LSM14A: variants seen among roughly 807,000 people sequenced by gnomAD.
LSM14A encodes the protein protein LSM14 homolog A.
A neutral mutation model predicts 52.4 loss-of-function variants in LSM14A; 14 were observed. The observed-to-expected ratio is 0.27, with a 90% CI of 0.18 to 0.42. The LOEUF is 0.42. LSM14A is among the 10% of genes least tolerant of loss of function. The pLI, the probability that LSM14A is intolerant of heterozygous loss-of-function variation, is 1.00. For synonymous variants in LSM14A, 185 were observed against 200.3 expected (o/e 0.92, Z 0.64); for missense variants, 417 against 581.8 (o/e 0.72, Z 2.91).
intron 1 of LSM14A, among the ~76,000 whole-genome samples, chr19:34,175,522 G>A (rs1010613631): frequency 6.6e-6 from 1 of 152,128 alleles, no homozygotes; most frequent in Non-Finnish European, 1.5e-5. Flanking sequence ...ATGAGCCACC[G>A]CACCCGGCTG....
intron 1 of LSM14A, among the ~76,000 whole-genome samples, chr19:34,174,487 A>T (rs940921795): frequency 1.3e-5 from 2 of 152,226 alleles, no homozygotes; most frequent in African/African-American, 4.8e-5. Context: ...TCACCTTGTG[A>T]AACATTATGC....
intron 1 of LSM14A, among the ~76,000 whole-genome samples, chr19:34,192,287 A>T (rs1365070983): frequency 7.6e-6 from 1 of 130,866 alleles, no homozygotes; most frequent in African/African-American, 2.7e-5. Context: ...AGTGTAGGAC[A>T]TTATTTACAC....
Position 34,215,390 on chromosome 19 carries a change from A to G in LSM14A, c.715+90A>G, listed in dbSNP as rs1599713473. ...CATTAGAAGGATTTACTTCATGTGAATGATCCCAGAAAATTAAACTGAATA... is the reference window on the plus strand; with the variant it reads ...CATTAGAAGGATTTACTTCATGTGAGTGATCCCAGAAAATTAAACTGAATA... On this transcript the variant is annotated intron_variant, in intron 5 of 9. Coordinates refer to ENST00000544216, the MANE Select transcript of LSM14A (RefSeq NM_015578.4). The G allele has an allele frequency of 4.6e-6, 6 of 1,293,214 alleles. No homozygotes were observed. The South Asian group carries it at 6.0e-5, about 13-fold the overall frequency. The allele number at this position is 1,293,214 out of a possible 1,614,324, so 80.1% of individuals were successfully genotyped here.
chr19:34,191,760 G>C (rs1373083666), intron 1 of LSM14A, among the ~76,000 whole-genome samples: 1 of 152,154 alleles, frequency 6.6e-6, no homozygotes, highest in African/African-American at 2.4e-5. Context: ...TCTGCTTCAG[G>C]ATGATCTCAT....
chr19:34,196,258 G>A (rs183981667), intron 2 of LSM14A, among the ~76,000 whole-genome samples: 9 of 152,152 alleles, frequency 5.9e-5, no homozygotes, highest in African/African-American at 9.6e-5. Flanking sequence ...AAAATCATAC[G>A]TGAGATTTAT....
chr19:34,192,004 A>G (rs1012919353), intron 1 of LSM14A, among the ~76,000 whole-genome samples: 21 of 5,098 alleles, frequency 4.1e-3, no homozygotes, highest in African/African-American at 0.015. Context: ...ATGCTAGTCA[A>G]AATTTCTCTG....
Position 34,219,563 on chromosome 19 carries a change from T to G in LSM14A, c.954T>G (p.Leu318=), listed in dbSNP as rs200938297. The change falls in exon 7 of 10, where the codon CTT becomes CTG. Residue 318 remains leucine (L), a synonymous_variant. Transcript: ENST00000544216. ...EEIDREFHNK[L]KLKEDKLEKQ... ...TTGACAGAGAGTTTCATAATAAACTTAAATTAAAAGGTAAGCTTTGATTTT... is the reference window on the plus strand; with the variant it reads ...TTGACAGAGAGTTTCATAATAAACTGAAATTAAAAGGTAAGCTTTGATTTT... 5 of 1,607,524 alleles carry G rather than the reference T, an allele frequency of 3.1e-6. No individual in the cohort carries two copies. In the African/African-American group the frequency reaches 6.7e-5, roughly 21 times the overall value.
At chr19:34,199,188 G>A (rs190072526) in intron 3 of LSM14A, among the ~76,000 whole-genome samples, 15 of 152,066 alleles carry the variant, frequency 9.9e-5, no homozygotes, top group African/African-American at 2.9e-4. Flanking sequence ...GCAGTGGCAC[G>A]ATCCCGGCTC....
At position 34,219,392 on chromosome 19, in the gene LSM14A, T is replaced by C. The variant is rs1203033389; in HGVS notation, c.783T>C (p.Ala261=). The C allele has an allele frequency of 6.2e-7, 1 of 1,605,286 alleles. No homozygotes were observed. The highest frequency in any genetic ancestry group is 1.7e-5 in the Admixed American group (1 of 57,766). The change falls in exon 7 of 10, where the codon GCT becomes GCC. Residue 261 remains alanine (A), a splice_region_variant and synonymous_variant. Coordinates refer to ENST00000544216, the MANE Select transcript of LSM14A (RefSeq NM_015578.4). The stretch of plus-strand genomic sequence containing the variant: ...TGTATATATTCTTTATTATCATAGC[T>C]CCAGGTGCTCCTTCAGCTCCAAGGA... The part of the protein sequence containing the change: ...QLRNDNKRQV[A]PGAPSAPRRG...
chr19:34,187,241 T>G (rs2069984123), intron 1 of LSM14A, among the ~76,000 whole-genome samples: 1 of 146,402 alleles, frequency 6.8e-6, no homozygotes, highest in African/African-American at 2.5e-5. Context: ...AGACCAAGAC[T>G]CGGTCTCAAA....
chr19:34,209,063 C>G lies in LSM14A; in HGVS notation c.538+12C>G. 1 of 1,550,684 alleles carries G rather than the reference C, an allele frequency of 6.4e-7. No homozygotes were observed. Among genetic ancestry groups the G allele is most frequent in the Non-Finnish European group, 8.7e-7 (1 of 1,145,634 alleles). ...ACAGTTATCTCAAGGTAAGCTATCTCATCCCTAAAATATTTCCATTCTAAA... is the reference window on the plus strand; with the variant it reads ...ACAGTTATCTCAAGGTAAGCTATCTGATCCCTAAAATATTTCCATTCTAAA... On this transcript the variant is annotated intron_variant, in intron 4 of 9. Transcript: ENST00000544216.
At chr19:34,184,370 A>T (rs2069732435) in intron 1 of LSM14A, among the ~76,000 whole-genome samples, 1 of 152,172 alleles carries the variant, frequency 6.6e-6, no homozygotes, top group African/African-American at 2.4e-5. Flanking sequence ...TGCTTTTAAT[A>T]TGTAAATTAT....
intron 6 of LSM14A, among the ~76,000 whole-genome samples, chr19:34,216,948 T>C (rs1438032555): frequency 3.9e-5 from 6 of 152,158 alleles, no homozygotes; most frequent in Admixed American, 3.9e-4. Flanking sequence ...GTTACAAGTT[T>C]GAAACGTTTC....
At chr19:34,206,394 T>G (rs1043971664) in intron 3 of LSM14A, among the ~76,000 whole-genome samples, 1 of 149,244 alleles carries the variant, frequency 6.7e-6, no homozygotes, top group Non-Finnish European at 1.5e-5. Context: ...AAAGACTGGG[T>G]ACGGTGGCTC....
intron 1 of LSM14A, among the ~76,000 whole-genome samples, chr19:34,192,503 T>C (rs2070499665): frequency 6.6e-6 from 1 of 150,712 alleles, no homozygotes; most frequent in Non-Finnish European, 1.5e-5. Context: ...TGATTTTTTG[T>C]ATTTTTAGTA....
intron 3 of LSM14A, among the ~76,000 whole-genome samples, chr19:34,198,144 T>C (rs2071008277): frequency 6.6e-6 from 1 of 152,208 alleles, no homozygotes; most frequent in Non-Finnish European, 1.5e-5. Flanking sequence ...CAGTTTACTG[T>C]TTCACTGCAC....
At chr19:34,175,438 G>T (rs924777772) in intron 1 of LSM14A, among the ~76,000 whole-genome samples, 2 of 151,946 alleles carry the variant, frequency 1.3e-5, no homozygotes, top group African/African-American at 4.8e-5. Flanking sequence ...CACCATATTG[G>T]CCAGGCTGGT....
At chr19:34,224,883 C>T (rs1309985374) in intron 9 of LSM14A, among the ~76,000 whole-genome samples, 1 of 152,172 alleles carries the variant, frequency 6.6e-6, no homozygotes, top group African/African-American at 2.4e-5. Flanking sequence ...TGGTGGGAGA[C>T]AGACATAGCT....
chr19:34,226,060 CA>C (rs74177122), intron 9 of LSM14A, among the ~76,000 whole-genome samples: 245 of 131,246 alleles, frequency 1.9e-3, no homozygotes, highest in Non-Finnish European at 2.1e-3. Flanking sequence ...AGGCCTGTCT[CA>C]AAAAAAAAAA....
Sources: gnomAD v4.1 joint callset for allele counts (sites outside exome capture counted in the v4.1 genomes callset) on GRCh38, gnomAD v4.1.1 for gene constraint, MANE v1.5 for transcripts, NCBI Gene and HGNC (gene_info 2026-07-23, HGNC 2026-07-21) for gene names.